SUMF1: variants seen among roughly 807,000 people sequenced by gnomAD.
SUMF1 encodes sulfatase modifying factor 1.
A neutral mutation model predicts 47.6 loss-of-function variants in SUMF1; 48 were observed. The ratio of observed to expected loss-of-function variants is 1.01; its 90% CI spans 0.80 to 1.28. The LOEUF (loss-of-function observed/expected upper bound fraction) is 1.28. Among genes scored for constraint, SUMF1 ranks in the 50% most tolerant of loss-of-function variants. The pLI is 0.00. For missense variants in SUMF1, 571 were observed against 485.4 expected, an observed-to-expected ratio of 1.18 and a Z score of -1.66; for synonymous variants, 230 against 192.1, an observed-to-expected ratio of 1.20 and a Z score of -1.63.
intron 8 of SUMF1, among the ~76,000 whole-genome samples, chr3:4,276,841 C>T (rs145216268): frequency 1.3e-5 from 2 of 152,146 alleles, no homozygotes; most frequent in East Asian, 1.9e-4. Flanking sequence ...TCATTTAAAC[C>T]ATAATTTTGT....
intron 3 of SUMF1, among the ~76,000 whole-genome samples, chr3:4,432,355 A>G (rs1702259581): frequency 6.6e-6 from 1 of 151,892 alleles, no homozygotes; most frequent in Non-Finnish European, 1.5e-5. Flanking sequence ...ATCATCTCTC[A>G]CCAGGACTAT....
intron 8 of SUMF1, among the ~76,000 whole-genome samples, chr3:4,241,394 G>C (rs1282671823): frequency 6.6e-6 from 1 of 152,094 alleles, no homozygotes; most frequent in Non-Finnish European, 1.5e-5. Flanking sequence ...TGTGGGATAG[G>C]TCCTGGATTG....
At chr3:4,452,363 G>A (rs980544018) in intron 2 of SUMF1, among the ~76,000 whole-genome samples, 1 of 152,330 alleles carries the variant, frequency 6.6e-6, no homozygotes, top group Non-Finnish European at 1.5e-5. Flanking sequence ...AGCACAGCAT[G>A]TGTGAGTTGT....
intron 8 of SUMF1, among the ~76,000 whole-genome samples, chr3:4,200,168 A>G (rs943163881): frequency 1.4e-5 from 2 of 144,812 alleles, no homozygotes; most frequent in Admixed American, 1.5e-4. Context: ...TGAGGTAAGC[A>G]TCAAGATTTT....
chr3:4,397,718 G>A (rs1210483113), intron 7 of SUMF1, among the ~76,000 whole-genome samples: 1 of 152,012 alleles, frequency 6.6e-6, no homozygotes, highest in East Asian at 1.9e-4. Flanking sequence ...GACTGTCCAT[G>A]GAAAGAAGTG....
At chr3:4,034,701 T>A (rs1559415231) in intron 9 of SUMF1, among the ~76,000 whole-genome samples, 1 of 151,952 alleles carries the variant, frequency 6.6e-6, no homozygotes, top group Non-Finnish European at 1.5e-5. Context: ...AGTACTGAGA[T>A]AAAAATTCTT....
chr3:4,148,926 A>G (rs1694255056), intron 8 of SUMF1, among the ~76,000 whole-genome samples: 1 of 152,180 alleles, frequency 6.6e-6, no homozygotes, highest in Non-Finnish European at 1.5e-5. Flanking sequence ...CAAAAAGAGA[A>G]AGGGAAAGAG....
chr3:4,397,741 G>A (rs1330098783), intron 7 of SUMF1, among the ~76,000 whole-genome samples: 2 of 151,978 alleles, frequency 1.3e-5, no homozygotes, highest in African/African-American at 4.8e-5. Flanking sequence ...ATTTATAATT[G>A]CATGCTACCA....
At chr3:4,085,364 T>C (rs968847284) in intron 8 of SUMF1, among the ~76,000 whole-genome samples, 1 of 151,986 alleles carries the variant, frequency 6.6e-6, no homozygotes, top group Non-Finnish European at 1.5e-5. Context: ...GGGGAGAATA[T>C]AAATTTGGGG....
chr3:4,121,673 T>A (rs1306717370), intron 8 of SUMF1, among the ~76,000 whole-genome samples: 1 of 152,168 alleles, frequency 6.6e-6, no homozygotes, highest in African/African-American at 2.4e-5. Flanking sequence ...AAAATAAGGA[T>A]TCAAATAAGT....
intron 8 of SUMF1, among the ~76,000 whole-genome samples, chr3:4,209,904 A>T (rs1261799997): frequency 6.6e-6 from 1 of 151,856 alleles, no homozygotes; most frequent in Non-Finnish European, 1.5e-5. Flanking sequence ...AGAAAAAAAA[A>T]TTTTTTTTGA....
chr3:4,429,829 C>T (rs1054909026), intron 3 of SUMF1, among the ~76,000 whole-genome samples: 12 of 152,300 alleles, frequency 7.9e-5, no homozygotes, highest in African/African-American at 2.6e-4. Context: ...GAGCTAATTC[C>T]TCAGGCTGCC....
intron 8 of SUMF1, among the ~76,000 whole-genome samples, chr3:4,217,595 T>C (rs1391434116): frequency 7.7e-6 from 1 of 130,632 alleles, no homozygotes; most frequent in Non-Finnish European, 1.6e-5. Context: ...ATTTTGTATA[T>C]ATTTCACGAT....
At chr3:4,266,246 G>GT (rs1179150152) in intron 8 of SUMF1, among the ~76,000 whole-genome samples, 1 of 152,072 alleles carries the variant, frequency 6.6e-6, no homozygotes, top group Non-Finnish European at 1.5e-5. Context: ...CTTTAAAGTA[G>GT]TTTTTTCCAA....
chr3:4,274,690 G>C (rs1216057141), intron 8 of SUMF1, among the ~76,000 whole-genome samples: 1 of 152,154 alleles, frequency 6.6e-6, no homozygotes, highest in Non-Finnish European at 1.5e-5. Context: ...ATCCTGGGAA[G>C]AAGTTTTTCC....
intron 8 of SUMF1, among the ~76,000 whole-genome samples, chr3:4,191,389 T>C (rs974988697): frequency 6.6e-6 from 1 of 152,124 alleles, no homozygotes; most frequent in African/African-American, 2.4e-5. Flanking sequence ...CTAGCAAGCC[T>C]GGTACCAAAT....
At chr3:4,318,837 T>C (rs191176228) in intron 8 of SUMF1, among the ~76,000 whole-genome samples, 1,630 of 150,296 alleles carry the variant, frequency 0.011, 19 homozygotes, top group African/African-American at 0.037. Flanking sequence ...GAACCTGGGG[T>C]GGAGGTTACA....
chr3:4,313,084 G>A, intron 8 of SUMF1: 1 of 1,613,958 alleles, frequency 6.2e-7, no homozygotes, highest in East Asian at 2.2e-5. Context: ...TGCAGAGCCT[G>A]TTTTTGAATG....
At chr3:4,423,853 G>A (rs908806011) in intron 3 of SUMF1, among the ~76,000 whole-genome samples, 2 of 151,996 alleles carry the variant, frequency 1.3e-5, no homozygotes, top group African/African-American at 2.4e-5. Context: ...AGTGTATGGC[G>A]CCTCCCTCCA....
Sources: allele counts gnomAD v4.1 joint callset (sites outside exome capture counted in the v4.1 genomes callset), GRCh38; gene constraint gnomAD v4.1.1; transcripts MANE v1.5; gene names NCBI Gene and HGNC (gene_info 2026-07-23, HGNC 2026-07-21).